CSPP1: variants seen among roughly 807,000 people sequenced by gnomAD.
CSPP1 encodes centrosome and spindle pole associated protein 1.
A neutral mutation model predicts 164.4 loss-of-function variants in CSPP1; 126 were observed. The observed-to-expected ratio is 0.77, with a 90% confidence interval of 0.66 to 0.89. The LOEUF is 0.89. Ranked by LOEUF, CSPP1 falls within the 40% of genes least tolerant of loss-of-function variation. CSPP1 has a pLI of 0.00. For synonymous variants in CSPP1, 472 were observed against 476.7 expected (o/e 0.99, Z 0.13); for missense variants, 1,395 against 1,449.8 (o/e 0.96, Z 0.61).
chr8:67,141,868 A>G (rs1823584330), intron 17 of CSPP1, among the ~76,000 whole-genome samples: 1 of 152,250 alleles, frequency 6.6e-6, no homozygotes, highest in Admixed American at 6.5e-5. Context: ...TATGTAGTAT[A>G]GAGCAGTGTG....
chr8:67,170,808 A>C (rs1330135454), intron 24 of CSPP1, among the ~76,000 whole-genome samples: 1 of 151,978 alleles, frequency 6.6e-6, no homozygotes, highest in Non-Finnish European at 1.5e-5. Context: ...TATTTTTGAG[A>C]CGGCTTCTTG....
At chr8:67,086,361 T>A in intron 4 of CSPP1, 2 of 491,410 alleles carry the variant, frequency 4.1e-6, no homozygotes, top group Non-Finnish European at 7.5e-6. Flanking sequence ...TTAAGTGAGA[T>A]CGTTAATTAT....
chr8:67,089,169 A>G (rs1452333581), intron 4 of CSPP1, among the ~76,000 whole-genome samples: 1 of 152,156 alleles, frequency 6.6e-6, no homozygotes, highest in East Asian at 1.9e-4. Context: ...AATTTTGTCA[A>G]GAAGAGTTAT....
chr8:67,111,914 T>G, intron 9 of CSPP1, 58 bp from the exon 10 acceptor site: 1 of 1,056,862 alleles, frequency 9.5e-7, no homozygotes, highest in Non-Finnish European at 1.4e-6. Context: ...GACTTAACTT[T>G]CTAATTGCAT....
Position 67,196,532 on chromosome 8 carries a change from CTAA to C in CSPP1, c.*945_*947del, listed in dbSNP as rs2129576920. On this transcript the variant is annotated 3_prime_UTR_variant, in exon 31 of 31. Coordinates refer to ENST00000678616, the MANE Select transcript of CSPP1 (RefSeq NM_001382391.1). ...ACATCCCCAGGCACTGCTTCTCTCT[CTAA>C]TAATACTTCCTCTGATGTAATTAAC... Among the ~76,000 whole-genome samples the C allele has an allele frequency of 6.6e-6, 1 of 152,204 alleles. No homozygotes were observed. The highest frequency in any genetic ancestry group is 1.9e-4 in the East Asian group (1 of 5,200).
intron 10 of CSPP1, 99 bp from the exon 11 acceptor site, chr8:67,113,706 T>C (rs1817349418): frequency 2.1e-5 from 13 of 606,386 alleles, no homozygotes; most frequent in South Asian, 1.3e-4. Context: ...TTTGTAGATG[T>C]AGTGCATAGA....
intron 27 of CSPP1, 81 bp from the exon 28 acceptor site, chr8:67,179,782 C>G: frequency 1.1e-6 from 1 of 908,186 alleles, no homozygotes; most frequent in East Asian, 2.4e-5. Context: ...AGTGTGGAAA[C>G]TTGTGCCTCT....
At chr8:67,184,889 G>A (rs1834056538) in intron 28 of CSPP1, among the ~76,000 whole-genome samples, 1 of 146,842 alleles carries the variant, frequency 6.8e-6, no homozygotes, top group Non-Finnish European at 1.5e-5. Flanking sequence ...CACAAGGTCA[G>A]GAGATTGAGA....
chr8:67,094,728 A>T (rs1563537562), intron 6 of CSPP1, among the ~76,000 whole-genome samples: 1 of 152,102 alleles, frequency 6.6e-6, no homozygotes, highest in Admixed American at 6.5e-5. Flanking sequence ...GCACAATTTG[A>T]TGGGTTTTAG....
Position 67,093,543 on chromosome 8 carries a change from GA to G in CSPP1, c.388del (p.Arg130GlyfsTer2). The G allele has an allele frequency of 6.3e-7, 1 of 1,581,334 alleles. No individual in the cohort carries two copies. Among genetic ancestry groups the G allele is most frequent in the Non-Finnish European group, 8.6e-7 (1 of 1,160,330 alleles). ...LPIGERLSAK[E>X]RLKLERNKEY... Reference sequence around the variant, plus strand: ...ATTGCCTTTTGATTTTTATTTTAAGGAAAGGTTGAAACTTGAACGTAACAAA... The same window carrying G: ...ATTGCCTTTTGATTTTTATTTTAAGGAAGGTTGAAACTTGAACGTAACAAA... On this transcript the variant is annotated frameshift_variant and splice_region_variant, in exon 6 of 31. Coordinates refer to ENST00000678616, the MANE Select transcript of CSPP1 (RefSeq NM_001382391.1). LOFTEE classifies it high-confidence loss of function.
intron 24 of CSPP1, 94 bp downstream of exon 24, chr8:67,164,602 C>A (rs567494501): frequency 6.0e-4 from 363 of 600,218 alleles, no homozygotes; most frequent in African/African-American, 5.9e-3. Flanking sequence ...AGGACTAATT[C>A]ATCTTACTTA....
chr8:67,068,265 G>A (rs1806003254), intron 1 of CSPP1, among the ~76,000 whole-genome samples: 1 of 152,172 alleles, frequency 6.6e-6, no homozygotes. Context: ...ATTAGGCATA[G>A]AGCAGTTAAG....
chr8:67,113,442 A>C (rs1817290951), intron 10 of CSPP1, among the ~76,000 whole-genome samples: 3 of 152,094 alleles, frequency 2.0e-5, no homozygotes, highest in African/African-American at 7.2e-5. Flanking sequence ...GATATATTTA[A>C]ATTTTTACCC....
In CSPP1 at chr8:67,118,288, G is replaced by A; in HGVS notation, c.1537G>A (p.Ala513Thr). ...LPPPPLLPPL[A>T]TNYRTPYDDA... ...TCCACCTCCCCTACTACCACCTTTG[G>A]CTACTAACTATCGAACTCCTTATGA... The change falls in exon 14 of 31, where the codon GCT becomes ACT. Residue 513 changes from alanine to threonine, a missense_variant. Ala to Thr is a moderately conservative substitution (Grantham distance 58). Transcript: ENST00000678616. The A allele has an allele frequency of 6.2e-7, 1 of 1,613,352 alleles. No individual in the cohort carries two copies. The highest frequency in any genetic ancestry group is 8.5e-7 in the Non-Finnish European group (1 of 1,179,560).
At position 67,195,518 on chromosome 8, in the gene CSPP1, G is replaced by A; in HGVS notation, c.3606G>A (p.Leu1202=). The change falls in exon 31 of 31, where the codon CTG becomes CTA. Residue 1202 remains leucine (L), a synonymous_variant. Coordinates refer to ENST00000678616, the MANE Select transcript of CSPP1 (RefSeq NM_001382391.1). ...TGAAACGTTTCATGGCAGAGCAGCT[G>A]AACCAGGAGCAGCAGCAGATTCCTG... ...ETLKRFMAEQ[L]NQEQQQIPGK... is the part of the protein sequence containing the mutation. 3 of 1,614,222 alleles carry A rather than the reference G, an allele frequency of 1.9e-6. No homozygotes were observed. The highest frequency in any genetic ancestry group is 2.5e-6 in the Non-Finnish European group (3 of 1,180,050).
At chr8:67,165,623 C>T in intron 24 of CSPP1, among the ~76,000 whole-genome samples, 1 of 152,198 alleles carries the variant, frequency 6.6e-6, no homozygotes. Context: ...CCTCCTCCTC[C>T]AGTCTGGATT....
chr8:67,083,718 T>C (rs2129543099), intron 3 of CSPP1: 1 of 152,026 alleles, frequency 6.6e-6, no homozygotes, highest in African/African-American at 2.4e-5. Context: ...TGCTTGTTCC[T>C]GGATGGGCAG....
intron 1 of CSPP1, among the ~76,000 whole-genome samples, chr8:67,066,933 C>A (rs373002539): frequency 6.6e-6 from 1 of 151,968 alleles, no homozygotes; most frequent in Non-Finnish European, 1.5e-5. Flanking sequence ...TTTTTTTATT[C>A]GTAGTAAAGA....
chr8:67,140,178 G>C (rs1823220915), intron 17 of CSPP1, among the ~76,000 whole-genome samples: 1 of 152,126 alleles, frequency 6.6e-6, no homozygotes, highest in Non-Finnish European at 1.5e-5. Flanking sequence ...TCTGCCTCCA[G>C]GTTCAAGCAA....
Sources: gnomAD v4.1 joint callset for allele counts (sites outside exome capture counted in the v4.1 genomes callset) on GRCh38, gnomAD v4.1.1 for gene constraint, MANE v1.5 for transcripts, NCBI Gene and HGNC (gene_info 2026-07-23, HGNC 2026-07-21) for gene names.